COBLL1: variants seen among roughly 807,000 people sequenced by gnomAD.
COBLL1 encodes the protein cordon-bleu protein-like 1.
COBLL1 carries 50 observed loss-of-function variants against 94.8 expected under a neutral mutation model. That is an observed-to-expected ratio of 0.53 (90% CI 0.42 to 0.67). COBLL1 has a LOEUF of 0.67. Among genes scored for constraint, COBLL1 ranks in the 30% least tolerant of loss-of-function variants. The probability of loss-of-function intolerance (pLI) is 0.00; values close to 1 mark genes in which losing one functional copy is unlikely to be tolerated. For synonymous variants in COBLL1, 448 were observed against 473.8 expected (o/e 0.95, Z 0.71); for missense variants, 1,362 against 1,348.7 (o/e 1.01, Z -0.15).
chr2:164,784,540 T>C (rs1688859969), intron 2 of COBLL1, among the ~76,000 whole-genome samples: 1 of 152,116 alleles, frequency 6.6e-6, no homozygotes, highest in Non-Finnish European at 1.5e-5. Context: ...TATCCACCCA[T>C]TGTCCACAGC....
intron 1 of COBLL1, among the ~76,000 whole-genome samples, chr2:164,670,127 CTTA>C (rs1404619636): frequency 1.3e-5 from 2 of 152,142 alleles, no homozygotes; most frequent in Non-Finnish European, 2.9e-5. Context: ...TATGCATTTT[CTTA>C]TTAATCTTCA....
In COBLL1 at chr2:164,702,575, AAAT is replaced by A. The variant is rs1273369266; in HGVS notation, c.1226-1822_1226-1820del. Among the ~76,000 whole-genome samples the A allele has an allele frequency of 5.1e-3, 694 of 134,842 alleles. 15 individuals carry two copies. The highest frequency in any genetic ancestry group is 0.015 in the Middle Eastern group (4 of 262). The allele number at this position is 134,842 out of a possible 152,430, so 88.5% of individuals were successfully genotyped here. A position where few individuals can be genotyped will look rare whatever the true frequency, so the allele number is the denominator to read the frequency against. ...AGACTCCTCAAAAAAAAAAAAAAAA[AAAT>A]AATAATAATAATAATTTGAAAACTC... is the stretch of plus-strand genomic sequence containing the variant. On this transcript the variant is annotated intron_variant, in intron 9 of 13. Transcript: ENST00000652658.
rs1175320367 is a variant in COBLL1, at chr2:164,682,448, G to T, written c.*3498C>A. On this transcript the variant is annotated 3_prime_UTR_variant, in exon 14 of 14. Coordinates refer to ENST00000652658, the MANE Select transcript of COBLL1 (RefSeq NM_001365672.2). ...CATACATAATTGTATCAATTGGGAC[G>T]CTTTGGGTTTTAAGCACCTATAAGT... is the stretch of plus-strand genomic sequence containing the variant. The T allele has an allele frequency of 3.3e-5, 5 of 152,156 alleles. No individual in the cohort carries two copies. Among genetic ancestry groups the T allele is most frequent in the African/African-American group, 1.2e-4 (5 of 41,432 alleles). 9.4% of individuals were successfully genotyped at this position (152,156 alleles called of 1,614,324 possible).
intron 2 of COBLL1, among the ~76,000 whole-genome samples, chr2:164,821,220 C>T (rs1385686104): frequency 2.0e-5 from 3 of 152,036 alleles, no homozygotes; most frequent in Non-Finnish European, 4.4e-5. Context: ...GTATCCATGT[C>T]AAAATGAATG....
At chr2:164,707,134 C>G (rs1334442750) in intron 7 of COBLL1, among the ~76,000 whole-genome samples, 1 of 150,648 alleles carries the variant, frequency 6.6e-6, no homozygotes, top group Non-Finnish European at 1.5e-5. Context: ...TTTCTTCAGG[C>G]CATTTCTCAA....
intron 2 of COBLL1, among the ~76,000 whole-genome samples, chr2:164,805,321 C>CTA (rs1559033315): frequency 4.8e-4 from 17 of 35,572 alleles, no homozygotes; most frequent in South Asian, 8.5e-4. Context: ...CTCTCTCTCT[C>CTA]TCTCTCTCTC....
At chr2:164,729,326 A>C (rs1196135504) in intron 4 of COBLL1, among the ~76,000 whole-genome samples, 1 of 151,784 alleles carries the variant, frequency 6.6e-6, no homozygotes, top group Non-Finnish European at 1.5e-5. Context: ...CTTGAAACCC[A>C]TAAAATTCTA....
intron 7 of COBLL1, among the ~76,000 whole-genome samples, chr2:164,705,870 C>T (rs1684564087): frequency 6.6e-6 from 1 of 152,028 alleles, no homozygotes; most frequent in African/African-American, 2.4e-5. Flanking sequence ...CCCGTCTCTA[C>T]TAAAAATAAA....
Position 164,841,393 on chromosome 2 carries a change from C to T in COBLL1, c.-50-147G>A, listed in dbSNP as rs2105405385. The T allele has an allele frequency of 2.6e-6, 3 of 1,174,660 alleles. No individual in the cohort carries two copies. Among genetic ancestry groups the T allele is most frequent in the Non-Finnish European group, 3.2e-6 (3 of 951,852 alleles). 72.8% of individuals were successfully genotyped at this position (1,174,660 alleles called of 1,614,324 possible). A position where few individuals can be genotyped will look rare whatever the true frequency, so the allele number is the denominator to read the frequency against. On this transcript the variant is annotated intron_variant, in intron 1 of 13. Coordinates refer to ENST00000652658, the MANE Select transcript of COBLL1 (RefSeq NM_001365672.2). This position sits in a 1 kb window ranked among gnomAD's most constrained non-coding sequence, Gnocchi z 5.5. ...GTGCGCTTCCACCTGCGGGCCCCGG[C>T]TCCCAGCCCGCGGGCGCCGCCGCCG...
intron 13 of COBLL1, chr2:164,687,561 T>C (rs6753142): frequency 0.39 from 477,512 of 1,219,734 alleles, 99,460 homozygotes; most frequent in African/African-American, 0.69. Context: ...TGCCCTGGGG[T>C]TTTCCAAAGG....
At chr2:164,704,627 G>A in intron 8 of COBLL1, 109 bp from the exon 9 acceptor site, 2 of 890,892 alleles carry the variant, frequency 2.2e-6, no homozygotes, top group Non-Finnish European at 3.6e-6. Context: ...CTTGCTAGAA[G>A]CCATTTTACT....
chr2:164,694,201 T>G, intron 12 of COBLL1, 68 bp downstream of exon 12: 1 of 1,436,782 alleles, frequency 7.0e-7, no homozygotes, highest in Non-Finnish European at 9.5e-7. Flanking sequence ...AACATCAACA[T>G]GCTTGTTAAC....
intron 2 of COBLL1, among the ~76,000 whole-genome samples, chr2:164,805,008 T>C (rs563372816): frequency 6.6e-6 from 1 of 152,186 alleles, no homozygotes; most frequent in African/African-American, 2.4e-5. Context: ...TCATTTTATA[T>C]GTCTCCTTTC....
At chr2:164,703,644 A>G in intron 9 of COBLL1, 1 of 411,200 alleles carries the variant, frequency 2.4e-6, no homozygotes, top group Non-Finnish European at 4.8e-6. Context: ...AAGATGAAAG[A>G]TTCAAGAGTG....
rs1482526618 is a variant in COBLL1 at position 164,681,988 on chromosome 2, A to T, written c.*3958T>A. 1 of 152,166 alleles carries T rather than the reference A, an allele frequency of 6.6e-6. No homozygotes were observed. Among genetic ancestry groups the T allele is most frequent in the East Asian group, 1.9e-4 (1 of 5,196 alleles). The allele number at this position is 152,166 out of a possible 1,614,324, so 9.4% of individuals were successfully genotyped here. A position where few individuals can be genotyped will look rare whatever the true frequency, so the allele number is the denominator to read the frequency against. On this transcript the variant is annotated 3_prime_UTR_variant, in exon 14 of 14. Transcript: ENST00000652658. ...AGTGGTAACATTTAAGAGAAAAGGAAAACCAACTGAAGATTCAGAACAAAT... is the reference window on the plus strand; with the variant it reads ...AGTGGTAACATTTAAGAGAAAAGGATAACCAACTGAAGATTCAGAACAAAT...
intron 12 of COBLL1, among the ~76,000 whole-genome samples, chr2:164,693,926 CAGA>C (rs1183750597): frequency 1.3e-5 from 2 of 151,856 alleles, no homozygotes; most frequent in African/African-American, 4.8e-5. Context: ...GAGAATAAAC[CAGA>C]AGATTTAGAC....
chr2:164,802,634 A>G (rs1170111722), intron 2 of COBLL1, among the ~76,000 whole-genome samples: 2 of 152,234 alleles, frequency 1.3e-5, no homozygotes, highest in South Asian at 2.1e-4. Context: ...TAGAACATAC[A>G]TATGTTCAGG....
At chr2:164,746,274 C>T (rs562199913) in intron 2 of COBLL1, among the ~76,000 whole-genome samples, 22 of 152,206 alleles carry the variant, frequency 1.4e-4, no homozygotes, top group Non-Finnish European at 2.8e-4. Flanking sequence ...CTAGTCTCAA[C>T]GAAACAACCA....
At chr2:164,704,402 C>T in intron 9 of COBLL1, 42 bp downstream of exon 9, 1 of 1,268,720 alleles carries the variant, frequency 7.9e-7, no homozygotes, top group Non-Finnish European at 1.2e-6. Context: ...TCATGGACGT[C>T]CTTTTTCAGT....
Sources: gnomAD v4.1 joint callset for allele counts (sites outside exome capture counted in the v4.1 genomes callset) on GRCh38, gnomAD v4.1.1 for gene constraint, Gnocchi (gnomAD v3.1) non-coding constraint, MANE v1.5 for transcripts, NCBI Gene and HGNC (gene_info 2026-07-23, HGNC 2026-07-21) for gene names.